MACROD2: variants seen among roughly 807,000 people sequenced by gnomAD.
MACROD2 encodes the protein ADP-ribose glycohydrolase MACROD2.
Under a neutral mutation model 70.4 loss-of-function variants are expected in MACROD2, and 36 were observed. That is an observed-to-expected ratio of 0.51 (90% confidence interval 0.39 to 0.68). The LOEUF (loss-of-function observed/expected upper bound fraction) is 0.68. Ranked by LOEUF, MACROD2 falls within the 30% of genes least tolerant of loss-of-function variation. MACROD2 has a pLI of 0.00. For synonymous variants in MACROD2, 172 were observed against 178.8 expected (o/e 0.96, Z 0.30); for missense variants, 496 against 538.4 (o/e 0.92, Z 0.78).
intron 6 of MACROD2, among the ~76,000 whole-genome samples, chr20:15,403,459 G>C (rs1389440174): frequency 6.6e-6 from 1 of 151,342 alleles, no homozygotes. Flanking sequence ...GAGGAGGAGA[G>C]AGATTGTATT....
chr20:15,770,782 T>C (rs1305709777), intron 8 of MACROD2, among the ~76,000 whole-genome samples: 1 of 152,126 alleles, frequency 6.6e-6, no homozygotes, highest in Non-Finnish European at 1.5e-5. Context: ...ACTCCCTGTG[T>C]CTTAATCTAA....
At chr20:15,176,353 A>C (rs892123625) in intron 5 of MACROD2, among the ~76,000 whole-genome samples, 3 of 152,208 alleles carry the variant, frequency 2.0e-5, no homozygotes, top group Non-Finnish European at 4.4e-5. Context: ...CTGGGCTGCC[A>C]GTTCCTGATG....
chr20:14,553,205 A>G (rs529867322), intron 4 of MACROD2, among the ~76,000 whole-genome samples: 20 of 149,454 alleles, frequency 1.3e-4, no homozygotes, highest in African/African-American at 4.7e-4. Flanking sequence ...TTTTTTTGTT[A>G]AAAACTAATA....
intron 10 of MACROD2, among the ~76,000 whole-genome samples, chr20:15,886,335 TG>T (rs1184996165): frequency 6.6e-6 from 1 of 152,158 alleles, no homozygotes; most frequent in African/African-American, 2.4e-5. Context: ...CCTCAAAGCA[TG>T]GCGGCCAGCT....
At chr20:14,719,992 A>G (rs530954494) in intron 5 of MACROD2, among the ~76,000 whole-genome samples, 1 of 152,198 alleles carries the variant, frequency 6.6e-6, no homozygotes, top group Non-Finnish European at 1.5e-5. Context: ...TTCACCTTTT[A>G]TCTTCCTGGA....
intron 8 of MACROD2, among the ~76,000 whole-genome samples, chr20:15,832,121 C>A (rs1429112559): frequency 6.6e-6 from 1 of 150,838 alleles, no homozygotes; most frequent in African/African-American, 2.4e-5. Flanking sequence ...GAAAAAAGTT[C>A]CAATACTGAG....
intron 15 of MACROD2, among the ~76,000 whole-genome samples, chr20:15,996,075 T>G (rs2066627869): frequency 6.6e-6 from 1 of 152,158 alleles, no homozygotes; most frequent in Admixed American, 6.5e-5. Context: ...TTTTGTGGAA[T>G]CTCATACTAT....
intron 5 of MACROD2, among the ~76,000 whole-genome samples, chr20:15,173,688 T>A (rs2076439099): frequency 5.9e-5 from 9 of 152,176 alleles, no homozygotes; most frequent in Admixed American, 5.2e-4. Context: ...GCTTGATAAT[T>A]GGGTATAAAT....
rs942461965 is a variant in MACROD2, at chr20:14,680,327, G to A, written c.302-4516G>A. ...TAATTCAGCAGCTTCTTAACTGTAT[G>A]TCTATAGAATTTGGAATTTTAGTTC... On this transcript the variant is annotated intron_variant, in intron 4 of 17. Transcript: ENST00000684519. 3.3e-5 allele frequency among the ~76,000 whole-genome samples: 5 copies of A among 152,294 alleles called. No individual in the cohort carries two copies. The South Asian group carries it at 8.3e-4, about 25-fold the overall frequency.
chr20:15,881,592 G>GT (rs1158635707), intron 9 of MACROD2, among the ~76,000 whole-genome samples: 1 of 152,110 alleles, frequency 6.6e-6, no homozygotes, highest in Admixed American at 6.6e-5. Context: ...AATTGTAGAG[G>GT]TTACATGTCT....
At chr20:15,505,583 C>G (rs767363223) in intron 8 of MACROD2, among the ~76,000 whole-genome samples, 11 of 152,072 alleles carry the variant, frequency 7.2e-5, no homozygotes, top group Non-Finnish European at 1.3e-4. Flanking sequence ...AGGATGGACT[C>G]CTTCCCGCTG....
intron 4 of MACROD2, among the ~76,000 whole-genome samples, chr20:14,537,999 A>G (rs985198498): frequency 6.6e-6 from 1 of 152,168 alleles, no homozygotes; most frequent in Non-Finnish European, 1.5e-5. Flanking sequence ...CCTAATAGCA[A>G]TTGTAGTGGT....
At chr20:15,472,386 G>T (rs2046973064) in intron 7 of MACROD2, among the ~76,000 whole-genome samples, 1 of 151,996 alleles carries the variant, frequency 6.6e-6, no homozygotes, top group Admixed American at 6.6e-5. Context: ...CTTAACTGCA[G>T]GCTTAGAAGA....
chr20:15,673,324 T>C (rs2050008161), intron 8 of MACROD2, among the ~76,000 whole-genome samples: 1 of 152,218 alleles, frequency 6.6e-6, no homozygotes, highest in Non-Finnish European at 1.5e-5. Flanking sequence ...AACATTCTGT[T>C]ACGTCATTTT....
At chr20:14,030,356 G>T (rs567764801) in intron 2 of MACROD2, among the ~76,000 whole-genome samples, 9 of 151,962 alleles carry the variant, frequency 5.9e-5, no homozygotes, top group Admixed American at 3.9e-4. Context: ...TCTAATTTTT[G>T]ATTCTTTCAG....
intron 3 of MACROD2, among the ~76,000 whole-genome samples, chr20:14,168,550 C>T (rs899124430): frequency 6.6e-6 from 1 of 152,076 alleles, no homozygotes; most frequent in Non-Finnish European, 1.5e-5. Flanking sequence ...AATATTGAAC[C>T]AATATTGATG....
At chr20:14,504,491 T>C (rs2084948263) in intron 4 of MACROD2, among the ~76,000 whole-genome samples, 1 of 152,202 alleles carries the variant, frequency 6.6e-6, no homozygotes, top group Non-Finnish European at 1.5e-5. Context: ...GTATTACTTA[T>C]GGGAATAAGG....
intron 5 of MACROD2, among the ~76,000 whole-genome samples, chr20:15,218,979 GAGCTTGC>G (rs946453280): frequency 6.6e-6 from 1 of 152,018 alleles, no homozygotes; most frequent in African/African-American, 2.4e-5. Context: ...CCGGGAGGCG[GAGCTTGC>G]AGTGATCCGA....
chr20:15,141,000 A>T (rs2145846820), intron 5 of MACROD2, among the ~76,000 whole-genome samples: 1 of 152,328 alleles, frequency 6.6e-6, no homozygotes, highest in Middle Eastern at 3.4e-3. Context: ...ATTTACATGC[A>T]TTCAGGCACT....
Sources: allele counts gnomAD v4.1 joint callset (sites outside exome capture counted in the v4.1 genomes callset), GRCh38; gene constraint gnomAD v4.1.1; transcripts MANE v1.5; gene names NCBI Gene and HGNC (gene_info 2026-07-23, HGNC 2026-07-21).